Variants in XPR1 observed in about 807,000 individuals in gnomAD.
XPR1 encodes the protein xenotropic and polytropic retrovirus receptor 1, also known as solute carrier family 53 member 1.
Under a neutral mutation model 87.5 loss-of-function variants are expected in XPR1, and 28 were observed. That is an observed-to-expected ratio of 0.32 (90% CI 0.24 to 0.44). The LOEUF (loss-of-function observed/expected upper bound fraction) is 0.44, where lower values mean the gene tolerates loss of function less well. Among genes scored for constraint, XPR1 ranks in the 20% least tolerant of loss-of-function variants. The pLI is 1.00. For missense variants in XPR1, 559 were observed against 862.3 expected (o/e 0.65, Z 4.41); for synonymous variants, 300 against 306.1 (o/e 0.98, Z 0.21).
intron 2 of XPR1, among the ~76,000 whole-genome samples, chr1:180,774,955 C>T (rs1319667693): frequency 6.6e-6 from 1 of 152,120 alleles, no homozygotes; most frequent in Non-Finnish European, 1.5e-5. Context: ...TTGTTGTGTC[C>T]TCTGGAGGGG....
intron 10 of XPR1, 46 bp downstream of exon 10, chr1:180,835,091 C>A: frequency 1.3e-6 from 2 of 1,574,704 alleles, no homozygotes; most frequent in Non-Finnish European, 1.7e-6. Flanking sequence ...CTGGTGTAAA[C>A]CAAGATATAT....
intron 11 of XPR1, among the ~76,000 whole-genome samples, chr1:180,855,985 G>A (rs1468873318): frequency 2.0e-5 from 3 of 152,066 alleles, no homozygotes; most frequent in Non-Finnish European, 4.4e-5. Flanking sequence ...TCTTCAAACT[G>A]TTTGTCATTA....
intron 2 of XPR1, among the ~76,000 whole-genome samples, chr1:180,779,063 T>C (rs1196084832): frequency 2.6e-5 from 4 of 152,228 alleles, no homozygotes; most frequent in Non-Finnish European, 4.4e-5. Flanking sequence ...TCTAACATGC[T>C]GTTCCCTCTG....
chr1:180,770,775 C>T (rs767077264), intron 2 of XPR1, among the ~76,000 whole-genome samples: 1 of 152,118 alleles, frequency 6.6e-6, no homozygotes, highest in African/African-American at 2.4e-5. Flanking sequence ...CTTCATCTGG[C>T]GGTCCCTCTC....
rs567851462 is a variant in XPR1, at chr1:180,782,588, G to T, written c.122-5165G>T. ...GGCGGGGGCAGTGGGGGAATCTCTG[G>T]TGTCTCTTTTTTTATAGGAACATTA... On this transcript the variant is annotated intron_variant, in intron 2 of 14. Transcript: ENST00000367590. Among the ~76,000 whole-genome samples the T allele has an allele frequency of 1.2e-3, 176 of 151,962 alleles. 1 individual carries two copies. Among genetic ancestry groups the T allele is most frequent in the African/African-American group, 3.7e-3 (153 of 41,512 alleles).
At chr1:180,727,359 A>G (rs1448273407) in intron 2 of XPR1, among the ~76,000 whole-genome samples, 1 of 152,144 alleles carries the variant, frequency 6.6e-6, no homozygotes, top group Non-Finnish European at 1.5e-5. Flanking sequence ...AAGCAAGTTT[A>G]TTAATATAAT....
intron 2 of XPR1, among the ~76,000 whole-genome samples, chr1:180,725,971 A>G (rs1658322670): frequency 1.3e-5 from 2 of 152,244 alleles, no homozygotes; most frequent in South Asian, 4.1e-4. Flanking sequence ...AATGTTTAGC[A>G]TAATGCTTGG....
At chr1:180,709,888 G>T (rs1657703027) in intron 2 of XPR1, among the ~76,000 whole-genome samples, 4 of 142,410 alleles carry the variant, frequency 2.8e-5, no homozygotes, top group East Asian at 2.0e-4. Flanking sequence ...AGTTTTGAGG[G>T]TTTTTTTTTT....
At chr1:180,703,175 C>A (rs1023766739) in intron 2 of XPR1, among the ~76,000 whole-genome samples, 1 of 152,008 alleles carries the variant, frequency 6.6e-6, no homozygotes, top group Admixed American at 6.6e-5. Flanking sequence ...GTGGTGGTGG[C>A]AGTGGGCAAG....
intron 6 of XPR1, among the ~76,000 whole-genome samples, chr1:180,809,288 C>T (rs1431213019): frequency 1.3e-5 from 2 of 152,112 alleles, no homozygotes; most frequent in African/African-American, 2.4e-5. Context: ...GAAAGGATTA[C>T]AAAGACACAT....
chr1:180,772,619 A>T (rs1343812560), intron 2 of XPR1, among the ~76,000 whole-genome samples: 2 of 152,166 alleles, frequency 1.3e-5, no homozygotes, highest in African/African-American at 4.8e-5. Flanking sequence ...AGATGATTGA[A>T]TCTTGAGGGC....
At chr1:180,706,902 A>C (rs898092423) in intron 2 of XPR1, among the ~76,000 whole-genome samples, 1 of 152,160 alleles carries the variant, frequency 6.6e-6, no homozygotes, top group Non-Finnish European at 1.5e-5. Flanking sequence ...ACAGGCGTGA[A>C]CCACCATGGC....
intron 2 of XPR1, among the ~76,000 whole-genome samples, chr1:180,691,166 G>C (rs1403855472): frequency 6.6e-6 from 1 of 152,006 alleles, no homozygotes; most frequent in African/African-American, 2.4e-5. Flanking sequence ...TTATTGCTGA[G>C]AAACTATATT....
intron 1 of XPR1, among the ~76,000 whole-genome samples, chr1:180,648,725 C>A (rs1259247655): frequency 2.0e-5 from 3 of 152,154 alleles, no homozygotes; most frequent in Non-Finnish European, 4.4e-5. Context: ...CCAGGCTGGT[C>A]TCAGACTCCT....
intron 4 of XPR1, among the ~76,000 whole-genome samples, chr1:180,803,940 C>T (rs1417266805): frequency 2.0e-5 from 3 of 152,048 alleles, no homozygotes; most frequent in Non-Finnish European, 4.4e-5. Context: ...ATACATCTCT[C>T]CAGCCACTGT....
intron 7 of XPR1, among the ~76,000 whole-genome samples, chr1:180,818,017 A>G (rs79623393): frequency 1.3e-5 from 2 of 149,114 alleles, no homozygotes; most frequent in Non-Finnish European, 3.0e-5. Flanking sequence ...AAAAAAAAAA[A>G]GGCCTGGAAT....
intron 3 of XPR1, 69 bp downstream of exon 3, chr1:180,787,923 C>A: frequency 8.9e-7 from 1 of 1,128,434 alleles, no homozygotes; most frequent in Non-Finnish European, 1.3e-6. Flanking sequence ...ATTGTTTAAA[C>A]TTCTGATCAA....
rs547564211 is a variant in XPR1 at position 180,831,247 on chromosome 1, CCT to C, written c.1135-3623_1135-3622del. On this transcript the variant is annotated intron_variant, in intron 9 of 14. Transcript: ENST00000367590. ...AACAGTCTAGAAATTATAGCACTTG[CCT>C]CTCCAGCAAAACTTCCTAACTTTAG... 3.3e-3 allele frequency among the ~76,000 whole-genome samples: 499 copies of C among 152,242 alleles called. 2 individuals carry two copies. Among genetic ancestry groups the C allele is most frequent in the African/African-American group, 0.01 (435 of 41,546 alleles).
At chr1:180,637,050 C>CA (rs34479247) in intron 1 of XPR1, among the ~76,000 whole-genome samples, 6,244 of 81,350 alleles carry the variant, frequency 0.077, 286 homozygotes, top group African/African-American at 0.096. Flanking sequence ...GACTTCATCT[C>CA]AAAAAAAAAA....
Sources: allele counts gnomAD v4.1 joint callset (sites outside exome capture counted in the v4.1 genomes callset), GRCh38; gene constraint gnomAD v4.1.1; transcripts MANE v1.5; gene names NCBI Gene and HGNC (gene_info 2026-07-23, HGNC 2026-07-21).